The following PIWIL1 variants were observed in gnomAD, a reference collection of about 807,000 sequenced individuals.
The protein encoded by PIWIL1 is piwi-like protein 1.
In PIWIL1, 73 loss-of-function variants were observed where a neutral mutation model predicts 114.4. That is an observed-to-expected ratio of 0.64 (90% CI 0.53 to 0.78). The LOEUF is 0.78. Ranked by LOEUF, PIWIL1 falls within the 30% of genes least tolerant of loss-of-function variation. The probability of loss-of-function intolerance (pLI) is 0.00; values close to 1 mark genes in which losing one functional copy is unlikely to be tolerated. For synonymous variants in PIWIL1, 375 were observed against 369.0 expected (o/e 1.02, Z -0.19); for missense variants, 723 against 1,063.1 (o/e 0.68, Z 4.45).
At chr12:130,412,857 C>T in the PIWIL1 span, 30 of 1,406,580 alleles carry the variant, frequency 2.1e-5, no homozygotes, top group Middle Eastern at 1.8e-4. Flanking sequence ...GTCCCACTGA[C>T]GGTAAGTGAG....
intron 14 of PIWIL1, among the ~76,000 whole-genome samples, chr12:130,359,055 A>G (rs2073441977): frequency 6.6e-6 from 1 of 152,136 alleles, no homozygotes; most frequent in South Asian, 2.1e-4. Context: ...TTTCTAAGTT[A>G]TATTTCTTCT....
the PIWIL1 span, among the ~76,000 whole-genome samples, chr12:130,378,594 G>A: frequency 3.9e-5 from 6 of 152,052 alleles, no homozygotes; most frequent in South Asian, 2.1e-4. Context: ...TTTACAATGC[G>A]TGAGATTTCA....
chr12:130,369,923 CA>C (rs2073773541), intron 19 of PIWIL1, among the ~76,000 whole-genome samples: 1 of 152,122 alleles, frequency 6.6e-6, no homozygotes, highest in African/African-American at 2.4e-5. Flanking sequence ...GCTTTTGTTG[CA>C]ACTGAGAAGC....
the PIWIL1 span, among the ~76,000 whole-genome samples, chr12:130,405,538 C>CA: frequency 6.6e-6 from 1 of 152,144 alleles, no homozygotes; most frequent in Non-Finnish European, 1.5e-5. Context: ...AAAGATGCCC[C>CA]AGCTGCGGAA....
At chr12:130,390,447 C>G in the PIWIL1 span, among the ~76,000 whole-genome samples, 12,028 of 152,220 alleles carry the variant, frequency 0.079, 686 homozygotes, top group South Asian at 0.2. Context: ...AAAATAATAT[C>G]TTGCTTCAGG....
chr12:130,341,466 C>CACT (rs1322474508), intron 1 of PIWIL1, among the ~76,000 whole-genome samples: 1 of 152,228 alleles, frequency 6.6e-6, no homozygotes, highest in Non-Finnish European at 1.5e-5. Flanking sequence ...AAAAAGATAA[C>CACT]ACTACTAGCA....
At chr12:130,357,131 C>G in intron 13 of PIWIL1, 26 bp downstream of exon 13, 2 of 1,574,686 alleles carry the variant, frequency 1.3e-6, no homozygotes, top group Non-Finnish European at 1.7e-6. Context: ...CATTTCTGCT[C>G]TGAAAATTGC....
the PIWIL1 span, among the ~76,000 whole-genome samples, chr12:130,418,592 C>T: frequency 6.6e-6 from 1 of 152,146 alleles, no homozygotes. Flanking sequence ...CTGGCTACAC[C>T]ATTTTCCAAG....
Position 130,347,006 on chromosome 12 carries a change from T to C in PIWIL1, c.597T>C (p.Asn199=). ...TGAGGATAACGATCACTTTAACAAA[T>C]GAACTTCCACCTACATCACCAACTT... ...EDVRITITLT[N]ELPPTSPTCL... Residue 199 remains asparagine, a synonymous_variant, in exon 6 of 21, where the codon AAT becomes AAC. Coordinates refer to ENST00000245255, the MANE Select transcript of PIWIL1 (RefSeq NM_004764.5). The C allele has an allele frequency of 6.2e-7, 1 of 1,613,924 alleles. No homozygotes were observed. The highest frequency in any genetic ancestry group is 8.5e-7 in the Non-Finnish European group (1 of 1,179,848).
chr12:130,377,969 C>T, the PIWIL1 span, among the ~76,000 whole-genome samples: 9 of 152,226 alleles, frequency 5.9e-5, no homozygotes, highest in Admixed American at 6.5e-5. Flanking sequence ...TAATGCTATT[C>T]TCCCTGACCC....
chr12:130,386,407 ACCCCTTCCTGTCTC>A, the PIWIL1 span, among the ~76,000 whole-genome samples: 1 of 57,796 alleles, frequency 1.7e-5, no homozygotes, highest in East Asian at 4.9e-4. Flanking sequence ...CATGCACACC[ACCCCTTCCTGTCTC>A]CATTCACCCA....
In PIWIL1 at chr12:130,362,767, T is replaced by C; in HGVS notation, c.1972T>C (p.Trp658Arg). Residue 658 changes from tryptophan to arginine, a missense_variant and splice_region_variant, in exon 17 of 21, where the codon TGG (tryptophan) becomes CGG (arginine). Transcript: ENST00000245255. ...CTAGCTGTGTTTTTCTCTGAATAGC[T>C]GGTTCTCACGCTGCATATTTCAGGA... is the stretch of plus-strand genomic sequence containing the variant. ...VASINEGMTR[W>R]FSRCIFQDRG... 6.2e-7 allele frequency: 1 copy of C among 1,613,922 alleles called. No individual in the cohort carries two copies.
At chr12:130,346,660 T>C (rs995063755) in intron 5 of PIWIL1, 76 bp downstream of exon 5, 2 of 1,232,266 alleles carry the variant, frequency 1.6e-6, no homozygotes, top group African/African-American at 1.5e-5. Context: ...CTCACATGGC[T>C]TTTAGAGAGG....
the PIWIL1 span, among the ~76,000 whole-genome samples, chr12:130,405,494 G>T: frequency 6.6e-6 from 1 of 152,346 alleles, no homozygotes; most frequent in South Asian, 2.1e-4. Context: ...AAGTGGCCCT[G>T]TGGGCTTCTG....
chr12:130,364,102 A>T (rs1201061244), intron 18 of PIWIL1, among the ~76,000 whole-genome samples: 2 of 152,206 alleles, frequency 1.3e-5, no homozygotes, highest in African/African-American at 4.8e-5. Context: ...CAGTTACGTT[A>T]ACTAGTCCTC....
the PIWIL1 span, among the ~76,000 whole-genome samples, chr12:130,392,778 C>CCGGT: frequency 2.1e-5 from 3 of 139,868 alleles, no homozygotes; most frequent in Non-Finnish European, 3.1e-5. Flanking sequence ...TTGTGAGGAC[C>CCGGT]CAGTCACCGT....
At chr12:130,371,365 T>C (rs779103026) in intron 20 of PIWIL1, 42 bp downstream of exon 20, 2 of 1,613,014 alleles carry the variant, frequency 1.2e-6, no homozygotes, top group Non-Finnish European at 1.7e-6. Flanking sequence ...ATAAAGGACA[T>C]TCACTTTTCA....
the PIWIL1 span, among the ~76,000 whole-genome samples, chr12:130,404,174 A>T: frequency 6.6e-6 from 1 of 152,250 alleles, no homozygotes; most frequent in Non-Finnish European, 1.5e-5. Flanking sequence ...AAATAAATGC[A>T]TTCAGAAAAA....
intron 1 of PIWIL1, among the ~76,000 whole-genome samples, chr12:130,340,758 C>G (rs2136120036): frequency 6.6e-6 from 1 of 151,968 alleles, no homozygotes; most frequent in Non-Finnish European, 1.5e-5. Flanking sequence ...CGTGTGTAAG[C>G]CGAGCATGCA....
Sources: allele counts gnomAD v4.1 joint callset (sites outside exome capture counted in the v4.1 genomes callset), GRCh38; gene constraint gnomAD v4.1.1; transcripts MANE v1.5; gene names NCBI Gene and HGNC (gene_info 2026-07-23, HGNC 2026-07-21).